The following C1QTNF7 variants were observed in gnomAD, a reference collection of about 807,000 sequenced individuals.
C1QTNF7 encodes the protein C1q and TNF related 7.
A neutral mutation model predicts 19.6 loss-of-function variants in C1QTNF7; 15 were observed. The observed-to-expected ratio is 0.76, with a 90% CI of 0.51 to 1.18. C1QTNF7 has a LOEUF of 1.18. C1QTNF7 is among the 50% of genes most tolerant of loss of function. The pLI is 0.00. For synonymous variants in C1QTNF7, 142 were observed against 137.5 expected (o/e 1.03, Z -0.23); for missense variants, 324 against 359.7 (o/e 0.90, Z 0.80).
intron 1 of C1QTNF7, among the ~76,000 whole-genome samples, chr4:15,409,718 C>T (rs1577264688): frequency 1.3e-5 from 2 of 152,208 alleles, no homozygotes; most frequent in South Asian, 4.2e-4. Flanking sequence ...ACGTGCTCTG[C>T]CCACCCAATG....
Position 15,442,350 on chromosome 4 carries a change from T to A in C1QTNF7, c.421T>A (p.Cys141Ser), listed in dbSNP as rs747434592. 3 of 1,614,150 alleles carry A rather than the reference T, an allele frequency of 1.9e-6. No individual in the cohort carries two copies. The highest frequency in any genetic ancestry group is 2.5e-6 in the Non-Finnish European group (3 of 1,180,018). Residue 141 changes from cysteine to serine, a missense_variant, in exon 3 of 3, where the codon TGT becomes AGT. Cys to Ser is a moderately radical substitution (Grantham distance 112). Coordinates refer to ENST00000444304, the MANE Select transcript of C1QTNF7 (RefSeq NM_031911.5). The stretch of plus-strand genomic sequence containing the variant: ...CCCGGGGCTGCCTGGAGTTTGCAGA[T>A]GTGGAAGCATCGTGCTCAAATCCGC... ...GDPGLPGVCR[C>S]GSIVLKSAFS...
chr4:15,409,367 A>G (rs1322314059), intron 1 of C1QTNF7, among the ~76,000 whole-genome samples: 1 of 151,856 alleles, frequency 6.6e-6, no homozygotes, highest in Non-Finnish European at 1.5e-5. Context: ...GGCCTCCAAG[A>G]CTCTAAGTGA....
intron 1 of C1QTNF7, among the ~76,000 whole-genome samples, chr4:15,434,136 C>A (rs956348297): frequency 2.6e-5 from 4 of 151,124 alleles, no homozygotes; most frequent in Admixed American, 6.6e-5. Context: ...AAAATGTCTA[C>A]CAGACAGGGC....
At chr4:15,437,781 C>T (rs1304573057) in intron 2 of C1QTNF7, among the ~76,000 whole-genome samples, 1 of 152,074 alleles carries the variant, frequency 6.6e-6, no homozygotes, top group African/African-American at 2.4e-5. Flanking sequence ...AATTATTTAC[C>T]GTGGAGTGAC....
chr4:15,429,314 T>G (rs1712199669), intron 1 of C1QTNF7, among the ~76,000 whole-genome samples: 1 of 152,190 alleles, frequency 6.6e-6, no homozygotes, highest in South Asian at 2.1e-4. Context: ...TTATGCAGTA[T>G]CATCACCATC....
chr4:15,343,244 C>G lies in C1QTNF7; in HGVS notation c.13+3037C>G, dbSNP rs529760596. On this transcript the variant is annotated intron_variant, in intron 1 of 2. Transcript: ENST00000295297. The stretch of plus-strand genomic sequence containing the variant: ...CACTTTTTCTGAAGTATCACATAGA[C>G]CAACGCATGCTGGAAAATGGTGAGG... Among the ~76,000 whole-genome samples the G allele has an allele frequency of 3.9e-5, 6 of 152,318 alleles. No individual in the cohort carries two copies. In the South Asian group the frequency reaches 1.2e-3, roughly 32 times the overall value.
At chr4:15,350,344 G>GA (rs1716891006) in intron 1 of C1QTNF7, among the ~76,000 whole-genome samples, 1 of 84,534 alleles carries the variant, frequency 1.2e-5, no homozygotes, top group Non-Finnish European at 2.2e-5. Flanking sequence ...AGGAGGGAGG[G>GA]AGGGAGGGAG....
chr4:15,384,835 G>A (rs1201971536), intron 1 of C1QTNF7, among the ~76,000 whole-genome samples: 1 of 152,174 alleles, frequency 6.6e-6, no homozygotes, highest in Non-Finnish European at 1.5e-5. Context: ...GCAGACCAGA[G>A]CAAGTAGTGG....
At chr4:15,441,807 G>A (rs1712769344) in intron 2 of C1QTNF7, among the ~76,000 whole-genome samples, 1 of 152,056 alleles carries the variant, frequency 6.6e-6, no homozygotes, top group South Asian at 2.1e-4. Flanking sequence ...GAATCACAAG[G>A]TCAGGAGTTC....
intron 1 of C1QTNF7, among the ~76,000 whole-genome samples, chr4:15,376,170 G>A (rs1047005378): frequency 6.6e-6 from 1 of 152,224 alleles, no homozygotes; most frequent in Non-Finnish European, 1.5e-5. Context: ...AAACATGTCT[G>A]TAGTTTTTAT....
At chr4:15,412,400 T>C (rs897882906) in intron 1 of C1QTNF7, among the ~76,000 whole-genome samples, 1 of 151,942 alleles carries the variant, frequency 6.6e-6, no homozygotes, top group Admixed American at 6.6e-5. Flanking sequence ...GGAGAACTGT[T>C]CTAGGCTTCC....
chr4:15,412,044 A>G (rs1276439612), intron 1 of C1QTNF7, among the ~76,000 whole-genome samples: 1 of 152,050 alleles, frequency 6.6e-6, no homozygotes, highest in African/African-American at 2.4e-5. Context: ...CAACAACATT[A>G]TATTCTCACA....
chr4:15,376,177 T>C (rs1438117739), intron 1 of C1QTNF7, among the ~76,000 whole-genome samples: 3 of 152,238 alleles, frequency 2.0e-5, no homozygotes, highest in Non-Finnish European at 4.4e-5. Flanking sequence ...TCTGTAGTTT[T>C]TATGCAGCCC....
At chr4:15,370,086 CAT>C (rs774535652) in intron 1 of C1QTNF7, among the ~76,000 whole-genome samples, 1 of 152,074 alleles carries the variant, frequency 6.6e-6, no homozygotes, top group East Asian at 1.9e-4. Context: ...CTATTGTACT[CAT>C]GTCGATTTTT....
chr4:15,427,379 C>T (rs1712098355), upstream of C1QTNF7, among the ~76,000 whole-genome samples: 1 of 152,126 alleles, frequency 6.6e-6, no homozygotes, highest in Non-Finnish European at 1.5e-5. Flanking sequence ...GACGACTAGT[C>T]ATATGCTTTG....
At chr4:15,398,973 G>A (rs1356736451) in intron 1 of C1QTNF7, among the ~76,000 whole-genome samples, 1 of 152,070 alleles carries the variant, frequency 6.6e-6, no homozygotes, top group East Asian at 1.9e-4. Context: ...TATGCACAGT[G>A]GCCTGTTAGT....
intron 1 of C1QTNF7, among the ~76,000 whole-genome samples, chr4:15,351,242 C>T (rs1301592558): frequency 1.3e-5 from 2 of 152,030 alleles, no homozygotes; most frequent in South Asian, 2.1e-4. Context: ...TGTCTTCTTC[C>T]GTCCTTTTCA....
At chr4:15,401,776 T>C (rs1335760587) in intron 1 of C1QTNF7, among the ~76,000 whole-genome samples, 1 of 152,052 alleles carries the variant, frequency 6.6e-6, no homozygotes, top group African/African-American at 2.4e-5. Flanking sequence ...AATAAAACAA[T>C]TATAGACATG....
rs201187280 is a variant in C1QTNF7, at chr4:15,442,315, A to T, written c.386A>T (p.Glu129Val). The part of the protein sequence containing the change: ...GPPGPKGDRG[E>V]QGDPGLPGVC... Reference sequence around the variant, plus strand: ...CCTGGACCAAAGGGAGACAGAGGAGAACAAGGGGACCCGGGGCTGCCTGGA... The same window carrying T: ...CCTGGACCAAAGGGAGACAGAGGAGTACAAGGGGACCCGGGGCTGCCTGGA... Residue 129 changes from glutamate (E) to valine (V), a missense_variant, in exon 3 of 3, where the codon GAA becomes GTA. Physicochemically the swap from Glu to Val is moderately radical, Grantham distance 121. Coordinates refer to ENST00000444304, the MANE Select transcript of C1QTNF7 (RefSeq NM_031911.5). 439 of 1,613,976 alleles carry T rather than the reference A, an allele frequency of 2.7e-4. 1 individual carries two copies. The highest frequency in any genetic ancestry group is 3.6e-4 in the Non-Finnish European group (424 of 1,180,012).
Sources: allele counts gnomAD v4.1 joint callset (sites outside exome capture counted in the v4.1 genomes callset), GRCh38; gene constraint gnomAD v4.1.1; transcripts MANE v1.5; gene names NCBI Gene and HGNC (gene_info 2026-07-23, HGNC 2026-07-21).